SRSF12: variants seen among roughly 807,000 people sequenced by gnomAD.
SRSF12 encodes the protein serine/arginine-rich splicing factor 12.
SRSF12 carries 21 observed loss-of-function variants against 34.1 expected under a neutral mutation model. The ratio of observed to expected loss-of-function variants is 0.62; its 90% confidence interval spans 0.44 to 0.89. The LOEUF is 0.89. Ranked by LOEUF, SRSF12 falls within the 40% of genes least tolerant of loss-of-function variation. The pLI, the probability that SRSF12 is intolerant of heterozygous loss-of-function variation, is 0.00. For missense variants in SRSF12, 278 were observed against 327.8 expected, an observed-to-expected ratio of 0.85 and a Z score of 1.17; for synonymous variants, 111 against 110.8, an observed-to-expected ratio of 1.00 and a Z score of -0.01.
rs777604767 is a variant in SRSF12 at position 89,107,156 on chromosome 6, A to G, written c.168T>C (p.Val56=). 6.2e-7 allele frequency: 1 copy of G among 1,613,654 alleles called. No individual in the cohort carries two copies. The highest frequency in any genetic ancestry group is 1.7e-5 in the Admixed American group (1 of 60,016). Residue 56 remains valine (V), a splice_region_variant and synonymous_variant, in exon 2 of 5, where the codon GTT becomes GTC. Transcript: ENST00000452027. The stretch of plus-strand genomic sequence containing the variant: ...GCACACAATAAAATAAAGGATATTG[A>G]ACATAAGCAAATCCTCTTGGGCGGC... ...YTRRPRGFAY[V]QFEDVRDAED...
chr6:89,098,482 C>A lies in SRSF12; in HGVS notation c.*96G>T. 7.0e-7 allele frequency: 1 copy of A among 1,423,056 alleles called. No individual in the cohort carries two copies. Among genetic ancestry groups the A allele is most frequent in the East Asian group, 2.4e-5 (1 of 42,124 alleles). 88.2% of individuals were successfully genotyped at this position (1,423,056 alleles called of 1,614,324 possible). On this transcript the variant is annotated 3_prime_UTR_variant, in exon 5 of 5. Transcript: ENST00000452027. ...ATATGCCCAAAGTAACTAATATCAA[C>A]TCGCATTTTCTGTATGCCTTAAAGA... is the stretch of plus-strand genomic sequence containing the variant.
chr6:89,118,001 C>G lies in SRSF12; in HGVS notation c.-114G>C. On this transcript the variant is annotated 5_prime_UTR_variant, in exon 1 of 5. Transcript: ENST00000452027. ...GCCGGCCCCCGGCGCGACCCCCACC[C>G]CTCGGCCTCAGCCCCGCCAGCGCGC... The G allele has an allele frequency of 8.6e-7, 1 of 1,169,154 alleles. No individual in the cohort carries two copies. The highest frequency in any genetic ancestry group is 1.2e-6 in the Non-Finnish European group (1 of 849,364). The allele number at this position is 1,169,154 out of a possible 1,614,324, so 72.4% of individuals were successfully genotyped here.
In SRSF12 at chr6:89,117,961, C is replaced by T. The variant is rs1769395065; in HGVS notation, c.-74G>A. 6.8e-7 allele frequency: 1 copy of T among 1,469,498 alleles called. No individual in the cohort carries two copies. The highest frequency in any genetic ancestry group is 9.1e-7 in the Non-Finnish European group (1 of 1,095,586). 91.0% of individuals were successfully genotyped at this position (1,469,498 alleles called of 1,614,324 possible). A position where few individuals can be genotyped will look rare whatever the true frequency, so the allele number is the denominator to read the frequency against. The stretch of plus-strand genomic sequence containing the variant: ...CTCCGTCTCCCGCTACCGCTGCTAC[C>T]ACCACAGGAGCTCCGCCGGCCCCCG... On this transcript the variant is annotated 5_prime_UTR_variant, in exon 1 of 5. Coordinates refer to ENST00000452027, the MANE Select transcript of SRSF12 (RefSeq NM_080743.5).
intron 1 of SRSF12, 94 bp from the exon 2 acceptor site, chr6:89,107,352 A>T: frequency 2.3e-6 from 2 of 883,130 alleles, no homozygotes; most frequent in Admixed American, 2.5e-5. Context: ...AAAAGAAAGA[A>T]CATCATCTAG....
intron 4 of SRSF12, among the ~76,000 whole-genome samples, chr6:89,103,548 C>G (rs1363593587): frequency 1.3e-5 from 2 of 152,028 alleles, no homozygotes; most frequent in Non-Finnish European, 2.9e-5. Context: ...AGACTGGTCT[C>G]GAACTCCTGA....
At chr6:89,106,188 T>C (rs1768773735) in intron 2 of SRSF12, among the ~76,000 whole-genome samples, 1 of 152,178 alleles carries the variant, frequency 6.6e-6, no homozygotes, top group African/African-American at 2.4e-5. Context: ...TGGCGCGATC[T>C]CAGCTCACTG....
At position 89,098,582 on chromosome 6, in the gene SRSF12, CAACT is replaced by C. The variant is rs768794179; in HGVS notation, c.778_781del (p.Ser260GlyfsTer17). On this transcript the variant is annotated frameshift_variant, in exon 5 of 5. Coordinates refer to ENST00000452027, the MANE Select transcript of SRSF12 (RefSeq NM_080743.5). LOFTEE classifies it high-confidence loss of function. ...TGGTGCTCTTTCTGTTGCTGTTCAC[CAACT>C]GTTTTTATGACGATAACTTCGAGAT... 21 of 1,605,620 alleles carry C rather than the reference CAACT, an allele frequency of 1.3e-5. No individual in the cohort carries two copies. Among genetic ancestry groups the C allele is most frequent in the Non-Finnish European group, 1.4e-5 (17 of 1,174,108 alleles).
Position 89,098,413 on chromosome 6 carries a change from G to C in SRSF12, c.*165C>G. On this transcript the variant is annotated 3_prime_UTR_variant, in exon 5 of 5. Coordinates refer to ENST00000452027, the MANE Select transcript of SRSF12 (RefSeq NM_080743.5). ...TTGTAGTGTGGGCCCTTTAAATGGA[G>C]ACCAAATTTTTATTAATCCAAAGCT... The C allele has an allele frequency of 1.2e-6, 1 of 866,180 alleles. No individual in the cohort carries two copies. The highest frequency in any genetic ancestry group is 3.0e-5 in the East Asian group (1 of 33,060). The allele number at this position is 866,180 out of a possible 1,614,324, so 53.7% of individuals were successfully genotyped here.
In SRSF12 at chr6:89,099,424, ATG is replaced by A. The variant is rs200950397; in HGVS notation, c.417-479_417-478del. Reference sequence around the variant, plus strand: ...TCTCCATATATATATACATATATATATGTGTGTATATATATACACATATATAT... The same window carrying A: ...TCTCCATATATATATACATATATATATGTGTATATATATACACATATATAT... On this transcript the variant is annotated intron_variant, in intron 4 of 4. Coordinates refer to ENST00000452027, the MANE Select transcript of SRSF12 (RefSeq NM_080743.5). 2.6e-3 allele frequency among the ~76,000 whole-genome samples: 366 copies of A among 138,862 alleles called. 3 individuals are homozygous for A. Among genetic ancestry groups the A allele is most frequent in the African/African-American group, 9.0e-3 (332 of 37,010 alleles). The allele number at this position is 138,862 out of a possible 152,430, so 91.1% of individuals were successfully genotyped here.
intron 1 of SRSF12, among the ~76,000 whole-genome samples, chr6:89,116,464 T>A (rs193160188): frequency 6.6e-6 from 1 of 152,336 alleles, no homozygotes; most frequent in Non-Finnish European, 1.5e-5. Flanking sequence ...GTGATACATG[T>A]ACTTGCGGTG....
chr6:89,114,107 G>C (rs1769182008), intron 1 of SRSF12, among the ~76,000 whole-genome samples: 2 of 152,126 alleles, frequency 1.3e-5, no homozygotes, highest in African/African-American at 4.8e-5. Flanking sequence ...CCTAAACGTT[G>C]ATTTCTCATC....
intron 1 of SRSF12, among the ~76,000 whole-genome samples, chr6:89,113,262 C>T (rs1340002444): frequency 2.0e-5 from 3 of 152,222 alleles, no homozygotes; most frequent in Non-Finnish European, 4.4e-5. Flanking sequence ...CAACCTCTGC[C>T]TCCCAGGTTC....
rs113957994 is a variant in SRSF12 at position 89,096,652 on chromosome 6, A to T, written c.*1926T>A. On this transcript the variant is annotated 3_prime_UTR_variant, in exon 5 of 5. Coordinates refer to ENST00000452027, the MANE Select transcript of SRSF12 (RefSeq NM_080743.5). ...TCAATCCCTAGTTATTATTTTTCAC[A>T]ATGGTACCTAGTTATTATTATTTTT... The T allele has an allele frequency of 6.6e-5, 10 of 150,910 alleles. No individual in the cohort carries two copies. The highest frequency in any genetic ancestry group is 2.5e-4 in the African/African-American group (10 of 40,272). 9.3% of individuals were successfully genotyped at this position (150,910 alleles called of 1,614,324 possible).
At chr6:89,110,904 C>T (rs566284807) in intron 1 of SRSF12, among the ~76,000 whole-genome samples, 2 of 152,068 alleles carry the variant, frequency 1.3e-5, no homozygotes, top group East Asian at 1.9e-4. Context: ...CTACTTGAGC[C>T]CAGGAGTTCA....
chr6:89,105,050 T>C, intron 4 of SRSF12, 69 bp downstream of exon 4: 2 of 1,379,584 alleles, frequency 1.4e-6, no homozygotes, highest in South Asian at 1.5e-5. Flanking sequence ...AATGAGACCC[T>C]ATCAAAAAAA....
chr6:89,104,019 G>T (rs1365101913), intron 4 of SRSF12, among the ~76,000 whole-genome samples: 2 of 38,186 alleles, frequency 5.2e-5, no homozygotes, highest in African/African-American at 1.3e-4. Context: ...TTTTTTTTTG[G>T]AGAGACGGAG....
intron 2 of SRSF12, 171 bp from the exon 3 acceptor site, chr6:89,105,701 A>C: frequency 2.3e-6 from 1 of 440,542 alleles, no homozygotes; most frequent in Non-Finnish European, 4.0e-6. Context: ...TTTCTCATGA[A>C]AACAAATGAC....
chr6:89,108,289 G>A (rs1768886995), intron 1 of SRSF12, among the ~76,000 whole-genome samples: 1 of 152,146 alleles, frequency 6.6e-6, no homozygotes, highest in Non-Finnish European at 1.5e-5. Context: ...GTTAGCCAGT[G>A]TTCACCTTAC....
At chr6:89,109,905 G>A (rs1768964978) in intron 1 of SRSF12, among the ~76,000 whole-genome samples, 1 of 152,060 alleles carries the variant, frequency 6.6e-6, no homozygotes, top group African/African-American at 2.4e-5. Flanking sequence ...TCTTGGCTAA[G>A]AGGGTGAAAC....
Sources: gnomAD v4.1 joint callset for allele counts (sites outside exome capture counted in the v4.1 genomes callset) on GRCh38, gnomAD v4.1.1 for gene constraint, MANE v1.5 for transcripts, NCBI Gene and HGNC (gene_info 2026-07-23, HGNC 2026-07-21) for gene names.